QTRT2: variants seen among roughly 807,000 people sequenced by gnomAD.
QTRT2 encodes the protein queuine tRNA-ribosyltransferase accessory subunit 2.
Under a neutral mutation model 44.8 loss-of-function variants are expected in QTRT2, and 32 were observed. The observed-to-expected ratio is 0.71, with a 90% CI of 0.54 to 0.96. The LOEUF is 0.96. Ranked by LOEUF, QTRT2 falls within the 40% of genes least tolerant of loss-of-function variation. The probability of loss-of-function intolerance (pLI) is 0.00; values close to 1 mark genes in which losing one functional copy is unlikely to be tolerated. For synonymous variants in QTRT2, 182 were observed against 187.4 expected (o/e 0.97, Z 0.24); for missense variants, 461 against 503.1 (o/e 0.92, Z 0.80).
intron 7 of QTRT2, 152 bp downstream of exon 7, chr3:114,077,094 A>T: frequency 1.5e-6 from 1 of 684,206 alleles, no homozygotes; most frequent in Non-Finnish European, 2.5e-6. Flanking sequence ...GCTGAGGCAG[A>T]CTGTAAGGGG....
At chr3:114,081,082 T>TTAG (rs1460228314) in intron 8 of QTRT2, among the ~76,000 whole-genome samples, 7 of 152,194 alleles carry the variant, frequency 4.6e-5, no homozygotes, top group Admixed American at 1.3e-4. Context: ...GAGGTAACTG[T>TTAG]TAGTCATTCA....
chr3:114,081,048 A>G (rs1239427939), intron 8 of QTRT2, among the ~76,000 whole-genome samples: 2 of 152,170 alleles, frequency 1.3e-5, no homozygotes, highest in Non-Finnish European at 2.9e-5. Context: ...TTCATTTACA[A>G]ACTGAATTAT....
chr3:114,079,078 A>G (rs928149963), intron 7 of QTRT2: 2 of 152,226 alleles, frequency 1.3e-5, no homozygotes, highest in African/African-American at 2.4e-5. Context: ...CAAGCAAAAT[A>G]TTTCAGCAAG....
intron 2 of QTRT2, among the ~76,000 whole-genome samples, chr3:114,062,064 C>G (rs987766304): frequency 4.7e-5 from 7 of 150,470 alleles, no homozygotes; most frequent in African/African-American, 1.7e-4. Flanking sequence ...TAAATTTACT[C>G]TCACATAAAA....
chr3:114,072,672 T>A (rs928240853), intron 6 of QTRT2, among the ~76,000 whole-genome samples: 1 of 152,214 alleles, frequency 6.6e-6, no homozygotes, highest in Non-Finnish European at 1.5e-5. Context: ...TGAATGCCCT[T>A]CAATATTGAA....
At chr3:114,074,323 C>G (rs2077061465) in intron 6 of QTRT2, among the ~76,000 whole-genome samples, 1 of 152,294 alleles carries the variant, frequency 6.6e-6, no homozygotes, top group African/African-American at 2.4e-5. Context: ...CTGCCTTTTG[C>G]TCTTATCACC....
In QTRT2 at chr3:114,086,262, A is replaced by G; in HGVS notation, c.*358A>G. ...GACCCATGAATTGGATTGAGGCTTG[A>G]GGGGAAATGGTGTGAGACGAATGGG... On this transcript the variant is annotated 3_prime_UTR_variant, in exon 10 of 10. Transcript: ENST00000281273. 3.4e-6 allele frequency: 1 copy of G among 295,016 alleles called. No homozygotes were observed. The highest frequency in any genetic ancestry group is 4.6e-5 in the Admixed American group (1 of 21,668). The allele number at this position is 295,016 out of a possible 1,614,324, so 18.3% of individuals were successfully genotyped here.
intron 8 of QTRT2, among the ~76,000 whole-genome samples, chr3:114,080,748 G>T (rs1472041785): frequency 1.3e-5 from 2 of 152,054 alleles, no homozygotes; most frequent in East Asian, 3.9e-4. Flanking sequence ...TCCTTTTCCT[G>T]CTGTCCTTGG....
chr3:114,059,688 C>T (rs1366669085), intron 2 of QTRT2, among the ~76,000 whole-genome samples: 1 of 152,136 alleles, frequency 6.6e-6, no homozygotes, highest in Non-Finnish European at 1.5e-5. Flanking sequence ...AAAATATTTG[C>T]ATTCATCCCC....
In QTRT2 at chr3:114,074,421, G is replaced by A. The variant is rs556491617; in HGVS notation, c.547-2322G>A. Among the ~76,000 whole-genome samples the A allele has an allele frequency of 8.5e-5, 13 of 152,308 alleles. 1 individual carries two copies. The South Asian group carries it at 1.9e-3, about 22-fold the overall frequency. On this transcript the variant is annotated intron_variant, in intron 6 of 9. Transcript: ENST00000281273. ...TTGGACAACTAATCAGTCAAGTTATGTTGATCCTACTTCCTGATAGGTTTC... is the reference window on the plus strand; with the variant it reads ...TTGGACAACTAATCAGTCAAGTTATATTGATCCTACTTCCTGATAGGTTTC...
rs2077097667 is a variant in QTRT2 at position 114,076,839 on chromosome 3, G to A, written c.643G>A (p.Gly215Ser). 6.2e-7 allele frequency: 1 copy of A among 1,614,080 alleles called. No homozygotes were observed. The highest frequency in any genetic ancestry group is 8.5e-7 in the Non-Finnish European group (1 of 1,180,052). ...ACGAGAGACAGCCAAGCGGCCTGTG[G>A]GTGGCTTCCTTCTGGATGGTTTTCA... The part of the protein sequence containing the change: ...SARETAKRPV[G>S]GFLLDGFQGN... The change falls in exon 7 of 10, where the codon GGT becomes AGT. Residue 215 changes from glycine to serine, a missense_variant. Gly to Ser is a moderately conservative substitution (Grantham distance 56). Coordinates refer to ENST00000281273, the MANE Select transcript of QTRT2 (RefSeq NM_024638.4).
Position 114,068,011 on chromosome 3 carries a change from G to A in QTRT2, c.281G>A (p.Cys94Tyr), listed in dbSNP as rs1440729446. 1.2e-6 allele frequency: 2 copies of A among 1,613,660 alleles called. No individual in the cohort carries two copies. Among genetic ancestry groups the A allele is most frequent in the South Asian group, 1.1e-5 (1 of 91,064 alleles). The part of the protein sequence containing the change: ...FIGMPESLLY[C>Y]SLHDPVSPCP... ...GGCATGCCAGAATCACTCTTGTACT[G>A]CTCCCTGCACGATCCAGTCAGCCCC... is the stretch of plus-strand genomic sequence containing the variant. Residue 94 changes from cysteine to tyrosine, a missense_variant, in exon 5 of 10, where the codon TGC (cysteine) becomes TAC (tyrosine). Transcript: ENST00000281273.
At chr3:114,072,183 A>G (rs1031070931) in intron 6 of QTRT2, among the ~76,000 whole-genome samples, 3 of 150,762 alleles carry the variant, frequency 2.0e-5, no homozygotes, top group East Asian at 1.9e-4. Context: ...GTCTCACTCT[A>G]TTGCTCAGCC....
chr3:114,079,538 CA>C (rs202013962), intron 7 of QTRT2: 2,513 of 156,904 alleles, frequency 0.016, no homozygotes, highest in South Asian at 0.052. Context: ...GACTCCCTCT[CA>C]AAAAAAAAAA....
chr3:114,058,389 G>GT (rs1337198823), intron 2 of QTRT2, among the ~76,000 whole-genome samples: 1 of 151,900 alleles, frequency 6.6e-6, no homozygotes, highest in African/African-American at 2.4e-5. Context: ...GTCATTAATC[G>GT]TTTAACAGTT....
intron 6 of QTRT2, among the ~76,000 whole-genome samples, chr3:114,072,524 T>C (rs1330253826): frequency 6.6e-6 from 1 of 152,344 alleles, no homozygotes; most frequent in South Asian, 2.1e-4. Context: ...CCCAATCATA[T>C]TGTATTTCAA....
intron 2 of QTRT2, among the ~76,000 whole-genome samples, chr3:114,058,656 C>T (rs754624878): frequency 4.6e-5 from 7 of 152,138 alleles, no homozygotes; most frequent in Non-Finnish European, 8.8e-5. Flanking sequence ...TCTCAGCCTC[C>T]GGAGTAGCTG....
At chr3:114,067,630 C>T (rs2076971420) in intron 4 of QTRT2, among the ~76,000 whole-genome samples, 1 of 152,110 alleles carries the variant, frequency 6.6e-6, no homozygotes, top group African/African-American at 2.4e-5. Context: ...GTAGCTAGTT[C>T]CCCTTGGATG....
At chr3:114,083,314 CTGTTGT>C (rs56306334) in intron 9 of QTRT2, among the ~76,000 whole-genome samples, 55,994 of 149,964 alleles carry the variant, frequency 0.37, 11,274 homozygotes, top group East Asian at 0.47. Flanking sequence ...GTTGCTGCTG[CTGTTGT>C]TGTTGTTGTT....
Sources: gnomAD v4.1 joint callset for allele counts (sites outside exome capture counted in the v4.1 genomes callset) on GRCh38, gnomAD v4.1.1 for gene constraint, MANE v1.5 for transcripts, NCBI Gene and HGNC (gene_info 2026-07-23, HGNC 2026-07-21) for gene names.